Variants in HACD2 observed in about 807,000 individuals in gnomAD.
HACD2 encodes 3-hydroxyacyl-CoA dehydratase 2.
Under a neutral mutation model 31.0 loss-of-function variants are expected in HACD2, and 15 were observed. That is an observed-to-expected ratio of 0.48 (90% CI 0.32 to 0.75). HACD2 has a LOEUF of 0.75. HACD2 is among the 30% of genes least tolerant of loss of function. The pLI, the probability that HACD2 is intolerant of heterozygous loss-of-function variation, is 0.03. For synonymous variants in HACD2, 115 were observed against 122.2 expected, an observed-to-expected ratio of 0.94 and a Z score of 0.39; for missense variants, 283 against 313.0, an observed-to-expected ratio of 0.90 and a Z score of 0.72.
chr3:123,496,481 G>A (rs2055834264), intron 6 of HACD2, among the ~76,000 whole-genome samples: 1 of 152,190 alleles, frequency 6.6e-6, no homozygotes. Flanking sequence ...GTGCGTGTGT[G>A]ACAAAGATCT....
chr3:123,551,529 G>C (rs2056620406), intron 3 of HACD2, among the ~76,000 whole-genome samples: 2 of 152,010 alleles, frequency 1.3e-5, no homozygotes, highest in Admixed American at 1.3e-4. Flanking sequence ...GGAGGCTGAG[G>C]CAGGGAATCC....
At chr3:123,495,580 A>G in intron 6 of HACD2, among the ~76,000 whole-genome samples, 1 of 110,464 alleles carries the variant, frequency 9.1e-6, no homozygotes, top group Non-Finnish European at 1.9e-5. Flanking sequence ...AACACAACTA[A>G]GCCAGGTTTG....
chr3:123,499,572 G>A (rs2055877664), intron 6 of HACD2: 5 of 446,368 alleles, frequency 1.1e-5, no homozygotes, highest in South Asian at 4.8e-5. Context: ...CAAGCATGTC[G>A]CTTTGTTAGG....
chr3:123,580,217 TC>T (rs1309851742), intron 2 of HACD2, among the ~76,000 whole-genome samples: 1 of 151,548 alleles, frequency 6.6e-6, no homozygotes, highest in African/African-American at 2.4e-5. Context: ...TCCTCTGCCT[TC>T]TAAGAGAAAA....
intron 4 of HACD2, among the ~76,000 whole-genome samples, chr3:123,503,929 G>A (rs1341484462): frequency 6.6e-6 from 1 of 152,054 alleles, no homozygotes; most frequent in Non-Finnish European, 1.5e-5. Context: ...TACATGGAGC[G>A]GTCCACCTAC....
intron 3 of HACD2, among the ~76,000 whole-genome samples, chr3:123,544,853 T>C (rs536953443): frequency 1.3e-5 from 2 of 151,980 alleles, no homozygotes; most frequent in South Asian, 4.2e-4. Flanking sequence ...GCAGGAGGAA[T>C]GCTTGAGCTC....
At chr3:123,531,431 T>C (rs2056358820) in intron 3 of HACD2, among the ~76,000 whole-genome samples, 1 of 152,124 alleles carries the variant, frequency 6.6e-6, no homozygotes, top group African/African-American at 2.4e-5. Context: ...GTGATTCTTG[T>C]GCCTCAGCCT....
intron 6 of HACD2, among the ~76,000 whole-genome samples, chr3:123,498,999 G>A (rs2055870419): frequency 6.6e-6 from 1 of 152,174 alleles, no homozygotes; most frequent in Admixed American, 6.5e-5. Context: ...TTCCTAGAGA[G>A]GTTGGAAGTC....
intron 4 of HACD2, among the ~76,000 whole-genome samples, chr3:123,504,043 C>T (rs1336214214): frequency 6.6e-6 from 1 of 152,152 alleles, no homozygotes; most frequent in Non-Finnish European, 1.5e-5. Context: ...GAATTTTATA[C>T]TGTCAAGAGC....
intron 3 of HACD2, among the ~76,000 whole-genome samples, chr3:123,544,505 A>G (rs1184061308): frequency 6.6e-6 from 1 of 152,206 alleles, no homozygotes; most frequent in Non-Finnish European, 1.5e-5. Flanking sequence ...CTCAAGAAGG[A>G]ATAAGGAAAT....
At chr3:123,521,908 G>A (rs975401343) in intron 4 of HACD2, among the ~76,000 whole-genome samples, 1 of 144,692 alleles carries the variant, frequency 6.9e-6, no homozygotes, top group Non-Finnish European at 1.6e-5. Context: ...ATCATCATCA[G>A]GGGATATTAC....
intron 3 of HACD2, among the ~76,000 whole-genome samples, chr3:123,559,931 C>T (rs2056710351): frequency 6.6e-6 from 1 of 152,160 alleles, no homozygotes; most frequent in South Asian, 2.1e-4. Context: ...AGTCTTCCAC[C>T]CTCCCTGCTC....
In HACD2 at chr3:123,544,435, T is replaced by A. The variant is rs140244302; in HGVS notation, c.293-15961A>T. ...CATTGCAAAAAAAGATATTTTTTCA[T>A]ATCAATCTTCTGTAATATTCTGATA... On this transcript the variant is annotated intron_variant, in intron 3 of 6. Transcript: ENST00000383657. Among the ~76,000 whole-genome samples, 808 of 152,310 alleles carry A rather than the reference T, an allele frequency of 5.3e-3. 2 individuals are homozygous for A. The highest frequency in any genetic ancestry group is 0.019 in the African/African-American group (790 of 41,552).
chr3:123,566,252 G>A (rs2056790616), intron 3 of HACD2, among the ~76,000 whole-genome samples: 1 of 152,122 alleles, frequency 6.6e-6, no homozygotes, highest in Non-Finnish European at 1.5e-5. Flanking sequence ...CAGGTAAGAA[G>A]TGGGAAACCA....
chr3:123,513,664 G>A (rs2056093947), intron 4 of HACD2, among the ~76,000 whole-genome samples: 1 of 152,178 alleles, frequency 6.6e-6, no homozygotes, highest in Non-Finnish European at 1.5e-5. Context: ...GGATGTGGCA[G>A]GACCATCACA....
chr3:123,567,642 A>G (rs764735856), intron 3 of HACD2, 120 bp downstream of exon 3: 195 of 640,528 alleles, frequency 3.0e-4, no homozygotes, highest in Non-Finnish European at 3.9e-4. Context: ...AATTTCATAC[A>G]TGATGACTAA....
intron 1 of HACD2, among the ~76,000 whole-genome samples, chr3:123,584,251 G>A (rs974363182): frequency 6.6e-6 from 1 of 152,172 alleles, no homozygotes; most frequent in Non-Finnish European, 1.5e-5. Context: ...GGGTAAAACC[G>A]TTTCGAGGGT....
At chr3:123,532,015 T>C (rs1249117550) in intron 3 of HACD2, among the ~76,000 whole-genome samples, 1 of 152,248 alleles carries the variant, frequency 6.6e-6, no homozygotes, top group African/African-American at 2.4e-5. Flanking sequence ...TGAATGTTTT[T>C]AAGGCTCTTG....
chr3:123,498,413 GA>G, intron 6 of HACD2, among the ~76,000 whole-genome samples: 1 of 152,320 alleles, frequency 6.6e-6, no homozygotes, highest in South Asian at 2.1e-4. Context: ...CTCTCTGAAA[GA>G]GGGGTCCCCA....
Sources: gnomAD v4.1 joint callset for allele counts (sites outside exome capture counted in the v4.1 genomes callset) on GRCh38, gnomAD v4.1.1 for gene constraint, MANE v1.5 for transcripts, NCBI Gene and HGNC (gene_info 2026-07-23, HGNC 2026-07-21) for gene names.